Variants in WDR73 observed in about 807,000 individuals in gnomAD.
WDR73 encodes the protein integrator complex assembly factor WDR73.
In WDR73, 30 loss-of-function variants were observed where a neutral mutation model predicts 38.2. That is an observed-to-expected ratio of 0.79 (90% confidence interval 0.59 to 1.06). The LOEUF (loss-of-function observed/expected upper bound fraction) is 1.06. Ranked by LOEUF, WDR73 falls within the 50% of genes least tolerant of loss-of-function variation. The pLI, the probability that WDR73 is intolerant of heterozygous loss-of-function variation, is 0.00. For synonymous variants in WDR73, 197 were observed against 176.0 expected, an observed-to-expected ratio of 1.12 and a Z score of -0.94; for missense variants, 487 against 467.0, an observed-to-expected ratio of 1.04 and a Z score of -0.40.
rs760336019 is a variant in WDR73 at position 84,646,219 on chromosome 15, A to G, written c.482T>C (p.Val161Ala). 1 of 1,613,856 alleles carries G rather than the reference A, an allele frequency of 6.2e-7. No homozygotes were observed. Among genetic ancestry groups the G allele is most frequent in the Non-Finnish European group, 8.5e-7 (1 of 1,179,894 alleles). The change falls in exon 6 of 8, where the codon GTT becomes GCT. Residue 161 changes from valine to alanine, a missense_variant. Coordinates refer to ENST00000434634, the MANE Select transcript of WDR73 (RefSeq NM_032856.5). ...HGARLRSLQV[V>A]DLESRKTTYT... is the part of the protein sequence containing the mutation. Reference sequence around the variant, plus strand: ...CGTGGTCTTCCGGGACTCCAGATCAACGACCTGCAGACTTCGGAGCCTCGC... The same window carrying G: ...CGTGGTCTTCCGGGACTCCAGATCAGCGACCTGCAGACTTCGGAGCCTCGC...
chr15:84,650,956 A>C (rs2141844066), intron 3 of WDR73, among the ~76,000 whole-genome samples: 1 of 152,170 alleles, frequency 6.6e-6, no homozygotes, highest in East Asian at 1.9e-4. Context: ...CCTACCAAAA[A>C]ATACAAAAAT....
At chr15:84,646,050 A>T in intron 6 of WDR73, 134 bp downstream of exon 6, 1 of 1,548,934 alleles carries the variant, frequency 6.5e-7, no homozygotes, top group African/African-American at 1.4e-5. Context: ...CTTAGAGGCC[A>T]GGGCTTACCT....
chr15:84,643,557 A>T lies in WDR73; in HGVS notation c.1050T>A (p.His350Gln). The part of the protein sequence containing the change: ...PAPLVTTHTW[H>Q]PCRPRTLLSA... ...ATAACAAAGTCCTTGGTCTGCAGGG[A>T]TGCCAGGTGTGGGTGGTGACCAAAG... is the stretch of plus-strand genomic sequence containing the variant. Residue 350 changes from histidine to glutamine, a missense_variant, in exon 8 of 8, where the codon CAT (histidine) becomes CAA (glutamine). Coordinates refer to ENST00000434634, the MANE Select transcript of WDR73 (RefSeq NM_032856.5). 6.2e-7 allele frequency: 1 copy of T among 1,610,772 alleles called. No individual in the cohort carries two copies.
chr15:84,646,027 C>T, intron 6 of WDR73, 157 bp downstream of exon 6: 1 of 1,542,956 alleles, frequency 6.5e-7, no homozygotes, highest in Non-Finnish European at 8.7e-7. Flanking sequence ...AATCCTGCCC[C>T]AGCATAGGAG....
In WDR73 at chr15:84,641,466, G is replaced by A. The variant is rs1048011469; in HGVS notation, c.*2004C>T. 1 of 152,074 alleles carries A rather than the reference G, an allele frequency of 6.6e-6. No homozygotes were observed. The highest frequency in any genetic ancestry group is 2.4e-5 in the African/African-American group (1 of 41,412). 9.4% of individuals were successfully genotyped at this position (152,074 alleles called of 1,614,324 possible). A position where few individuals can be genotyped will look rare whatever the true frequency, so the allele number is the denominator to read the frequency against. On this transcript the variant is annotated 3_prime_UTR_variant, in exon 8 of 8. Coordinates refer to ENST00000434634, the MANE Select transcript of WDR73 (RefSeq NM_032856.5). ...TTCCCCTAAGTAAGTTTGAACTTTAGTTACTTGAAAAAAGGTATAACTGAA... is the reference window on the plus strand; with the variant it reads ...TTCCCCTAAGTAAGTTTGAACTTTAATTACTTGAAAAAAGGTATAACTGAA...
chr15:84,650,758 C>T (rs1324747326), intron 3 of WDR73, among the ~76,000 whole-genome samples: 1 of 152,142 alleles, frequency 6.6e-6, no homozygotes, highest in Non-Finnish European at 1.5e-5. Context: ...GTCTCCCGCT[C>T]CCAAGGTGCT....
chr15:84,645,747 C>T lies in WDR73; in HGVS notation c.607G>A (p.Val203Ile), dbSNP rs1412043806. 1 of 1,611,516 alleles carries T rather than the reference C, an allele frequency of 6.2e-7. No homozygotes were observed. Among genetic ancestry groups the T allele is most frequent in the Non-Finnish European group, 8.5e-7 (1 of 1,178,804 alleles). ...FCCASGRLGLVDTRQKWAPLE... is the reference protein window; with the variant it reads ...FCCASGRLGLIDTRQKWAPLE... ...GGTGCCCACTTCTGCCGGGTGTCAA[C>T]AAGCCCCAGCCGGCCTGAAGCACAG... Residue 203 changes from valine (V) to isoleucine (I), a missense_variant, in exon 7 of 8, where the codon GTT (valine) becomes ATT (isoleucine). Coordinates refer to ENST00000434634, the MANE Select transcript of WDR73 (RefSeq NM_032856.5).
At chr15:84,645,232 A>G in intron 7 of WDR73, 2 of 1,404,216 alleles carry the variant, frequency 1.4e-6, no homozygotes, top group South Asian at 2.9e-5. Flanking sequence ...CCCCTCCACC[A>G]ACCTGAGACC....
At chr15:84,649,461 C>CTT (rs762810980) in intron 3 of WDR73, among the ~76,000 whole-genome samples, 1 of 138,992 alleles carries the variant, frequency 7.2e-6, no homozygotes, top group Admixed American at 7.2e-5. Flanking sequence ...ACAAATTTGG[C>CTT]TTTTTTTTTT....
At chr15:84,653,161 G>A (rs1289407153) in intron 2 of WDR73, 3 of 201,578 alleles carry the variant, frequency 1.5e-5, no homozygotes, top group East Asian at 1.2e-4. Context: ...CAATCTGCCC[G>A]CTGCCTCAGC....
At position 84,646,191 on chromosome 15, in the gene WDR73, G is replaced by A. The variant is rs897552690; in HGVS notation, c.510C>T (p.Tyr170=). 5.0e-6 allele frequency: 8 copies of A among 1,613,712 alleles called. No individual in the cohort carries two copies. The highest frequency in any genetic ancestry group is 5.9e-6 in the Non-Finnish European group (7 of 1,179,886). Residue 170 remains tyrosine, a synonymous_variant, in exon 6 of 8, where the codon TAC becomes TAT. Transcript: ENST00000434634. ...GACAAAGTACCACGGTACCTGAGGT[G>A]TACGTGGTCTTCCGGGACTCCAGAT... The part of the protein sequence containing the change: ...VVDLESRKTT[Y]TSDVSDSEEL...
chr15:84,645,614 T>C lies in WDR73; in HGVS notation c.740A>G (p.Asp247Gly), dbSNP rs1186625433. ...PGPSIASLGS[D>G]GRLCLLDPRD... ...GGGGTCAAGAAGACAAAGACGCCCA[T>C]CTGAGCCAAGGCTGGCAATGCTGGG... Residue 247 changes from aspartate (D) to glycine (G), a missense_variant, in exon 7 of 8, where the codon GAT (aspartate) becomes GGT (glycine). By Grantham distance (94) the Asp-to-Gly change is moderately conservative (BLOSUM62 -1). Transcript: ENST00000434634. 3 of 1,609,516 alleles carry C rather than the reference T, an allele frequency of 1.9e-6. No individual in the cohort carries two copies. Among genetic ancestry groups the C allele is most frequent in the Middle Eastern group, 3.3e-4 (2 of 6,054 alleles).
chr15:84,649,713 G>A (rs185285419), intron 3 of WDR73, among the ~76,000 whole-genome samples: 3 of 151,964 alleles, frequency 2.0e-5, no homozygotes, highest in African/African-American at 7.2e-5. Flanking sequence ...CAGGTGATCC[G>A]CCTGCCTCAG....
rs763696297 is a variant in WDR73, at chr15:84,654,254, C to T, written c.21G>A (p.Trp7Ter). 14 of 1,613,864 alleles carry T rather than the reference C, an allele frequency of 8.7e-6. No homozygotes were observed. The East Asian group carries it at 1.3e-4, about 15-fold the overall frequency. MDPGDD[W>*]LVESLRLYQD... The stretch of plus-strand genomic sequence containing the variant: ...TTTACAAGCGCAAGGATTCCACCAG[C>T]CAGTCGTCCCCAGGATCCATGGCAA... Residue 7 changes from tryptophan to a stop codon, truncating the protein, a stop_gained, in exon 1 of 8, where the codon TGG becomes TGA. Transcript: ENST00000434634. LOFTEE classifies it high-confidence loss of function.
chr15:84,646,529 GA>G (rs1896469801), intron 5 of WDR73, 181 bp from the exon 6 acceptor site: 2 of 905,670 alleles, frequency 2.2e-6, no homozygotes, highest in Non-Finnish European at 3.1e-6. Flanking sequence ...GAAACCATCA[GA>G]AACATTTCAA....
In WDR73 at chr15:84,645,830, C is replaced by T. The variant is rs746351836; in HGVS notation, c.524G>A (p.Ser175Asn). 14 of 1,613,856 alleles carry T rather than the reference C, an allele frequency of 8.7e-6. 1 individual carries two copies. The South Asian group carries it at 1.4e-4, about 16-fold the overall frequency. Reference protein sequence around the residue: ...SRKTTYTSDVSDSEELSSLQV... With the variant: ...SRKTTYTSDVNDSEELSSLQV... ...CAGGCTACTCAGCTCCTCACTGTCA[C>T]TGACATCTGGAAGACCGACAGCAAA... The change falls in exon 7 of 8, where the codon AGT (serine) becomes AAT (asparagine). Residue 175 changes from serine to asparagine, a missense_variant. Coordinates refer to ENST00000434634, the MANE Select transcript of WDR73 (RefSeq NM_032856.5).
At chr15:84,645,312 G>T (rs1344407078) in intron 7 of WDR73, 159 bp downstream of exon 7, 16 of 1,514,416 alleles carry the variant, frequency 1.1e-5, no homozygotes, top group Non-Finnish European at 1.4e-5. Context: ...GTAGGAAAAG[G>T]CCTGCCACTG....
intron 2 of WDR73, chr15:84,653,395 C>G: frequency 2.4e-6 from 1 of 419,912 alleles, no homozygotes; most frequent in Non-Finnish European, 4.5e-6. Flanking sequence ...GTCTCGAACT[C>G]CTGACCTCAG....
chr15:84,651,555 T>G (rs906730545), intron 3 of WDR73, among the ~76,000 whole-genome samples: 1 of 152,198 alleles, frequency 6.6e-6, no homozygotes, highest in African/African-American at 2.4e-5. Flanking sequence ...GGACTCCTGA[T>G]CTATCCTCAC....
Sources: allele counts gnomAD v4.1 joint callset (sites outside exome capture counted in the v4.1 genomes callset), GRCh38; gene constraint gnomAD v4.1.1; transcripts MANE v1.5; gene names NCBI Gene and HGNC (gene_info 2026-07-23, HGNC 2026-07-21).